Variants in EMID1 observed in about 807,000 individuals in gnomAD.
EMID1 encodes the protein EMI domain containing 1.
EMID1 carries 40 observed loss-of-function variants against 60.6 expected under a neutral mutation model. The observed-to-expected ratio is 0.66, with a 90% CI of 0.51 to 0.86. The LOEUF is 0.86. Ranked by LOEUF, EMID1 falls within the 40% of genes least tolerant of loss-of-function variation. EMID1 has a pLI of 0.00. For missense variants in EMID1, 585 were observed against 597.1 expected (o/e 0.98, Z 0.21); for synonymous variants, 242 against 231.0 (o/e 1.05, Z -0.43).
chr22:29,225,673 CA>C (rs1229138852), intron 4 of EMID1, among the ~76,000 whole-genome samples: 3 of 151,934 alleles, frequency 2.0e-5, no homozygotes, highest in Non-Finnish European at 4.4e-5. Flanking sequence ...GCCCCACAGC[CA>C]GGAGTGGGGG....
Position 29,239,485 on chromosome 22 carries a change from C to T in EMID1, c.1075-3960C>T, listed in dbSNP as rs559275835. Among the ~76,000 whole-genome samples the T allele has an allele frequency of 6.9e-4, 105 of 152,234 alleles. 1 individual carries two copies. In the South Asian group the frequency reaches 0.014, roughly 20 times the overall value. ...TAATCCATCTCTTCTTGCATGTTGT[C>T]TACTTTTTCCATTAATTCCCTTAGC... On this transcript the variant is annotated intron_variant, in intron 12 of 14. Transcript: ENST00000334018.
chr22:29,234,128 G>C lies in EMID1; in HGVS notation c.967-9G>C. The C allele has an allele frequency of 3.2e-6, 5 of 1,578,942 alleles. No individual in the cohort carries two copies. The highest frequency in any genetic ancestry group is 4.3e-6 in the Non-Finnish European group (5 of 1,161,582). ...CAACACAAGGCTGAGGCCCTGTCTT[G>C]TTGCTCAGGGACCCCCAGGCCCCAC... On this transcript the variant is annotated splice_polypyrimidine_tract_variant and intron_variant, in intron 10 of 14. Coordinates refer to ENST00000334018, the MANE Select transcript of EMID1 (RefSeq NM_133455.4).
At chr22:29,241,017 A>G (rs1313739272) in intron 12 of EMID1, among the ~76,000 whole-genome samples, 1 of 152,134 alleles carries the variant, frequency 6.6e-6, no homozygotes, top group African/African-American at 2.4e-5. Context: ...TCCTTGCTGG[A>G]AGGACAAGGG....
At chr22:29,206,976 C>T (rs1170483565) in intron 1 of EMID1, among the ~76,000 whole-genome samples, 2 of 152,212 alleles carry the variant, frequency 1.3e-5, no homozygotes, top group Admixed American at 6.5e-5. Flanking sequence ...TGGCTGCAGC[C>T]CCAGCGAGGG....
intron 14 of EMID1, chr22:29,255,335 C>A (rs1481500197): frequency 1.3e-6 from 2 of 1,521,788 alleles, no homozygotes; most frequent in Admixed American, 2.0e-5. Context: ...AGACGGGTCA[C>A]CCTCCTGGAA....
intron 13 of EMID1, among the ~76,000 whole-genome samples, chr22:29,244,524 A>C (rs6519780): frequency 0.39 from 59,745 of 151,886 alleles, 13,127 homozygotes; most frequent in Middle Eastern, 0.53. Context: ...CTGTAGTCCT[A>C]GCTATTCAGG....
rs373800871 is a variant in EMID1 at position 29,215,294 on chromosome 22, C to T, written c.216-233C>T. On this transcript the variant is annotated intron_variant, in intron 2 of 14. Coordinates refer to ENST00000334018, the MANE Select transcript of EMID1 (RefSeq NM_133455.4). ...GTGAGTATTCACGCTGGGCTCAGGCCAGCCCAGCCTGCAGGGTCTTCTTGT... is the reference window on the plus strand; with the variant it reads ...GTGAGTATTCACGCTGGGCTCAGGCTAGCCCAGCCTGCAGGGTCTTCTTGT... 1.0e-5 allele frequency: 10 copies of T among 981,198 alleles called. No individual in the cohort carries two copies. The African/African-American group carries it at 1.7e-4, about 17-fold the overall frequency. 60.8% of individuals were successfully genotyped at this position (981,198 alleles called of 1,614,324 possible).
Position 29,231,643 on chromosome 22 carries a change from G to A in EMID1, c.637G>A (p.Ala213Thr), listed in dbSNP as rs1162232560. The change falls in exon 7 of 15, where the codon GCC becomes ACC. Residue 213 changes from alanine to threonine, a missense_variant. Coordinates refer to ENST00000334018, the MANE Select transcript of EMID1 (RefSeq NM_133455.4). ...LPGPTGPKGD[A>T]GSRGPMGMRG... ...CGGGCCCACCGGCCCCAAGGGAGAT[G>A]CCGGCAGTCGGGGCCCAATGGGGAT... The A allele has an allele frequency of 6.7e-7, 1 of 1,489,466 alleles. No individual in the cohort carries two copies. Among genetic ancestry groups the A allele is most frequent in the East Asian group, 2.5e-5 (1 of 39,952 alleles). The allele number at this position is 1,489,466 out of a possible 1,614,324, so 92.3% of individuals were successfully genotyped here.
At chr22:29,233,256 G>A (rs961122457) in intron 8 of EMID1, 123 bp from the exon 9 acceptor site, 20 of 968,788 alleles carry the variant, frequency 2.1e-5, no homozygotes, top group Non-Finnish European at 2.9e-5. Context: ...GTGCCCAGGT[G>A]GTACCAGCCA....
chr22:29,224,425 C>T (rs1309562786), intron 3 of EMID1, among the ~76,000 whole-genome samples: 1 of 152,108 alleles, frequency 6.6e-6, no homozygotes, highest in Admixed American at 6.5e-5. Flanking sequence ...GAAAACCAGT[C>T]CCCCAAAACC....
At chr22:29,227,704 C>CAAAAAAA (rs560219761) in intron 5 of EMID1, among the ~76,000 whole-genome samples, 1 of 88,954 alleles carries the variant, frequency 1.1e-5, no homozygotes, top group Non-Finnish European at 2.1e-5. Flanking sequence ...GACTCTGTCT[C>CAAAAAAA]AAAAAAAAAA....
At chr22:29,215,254 G>T in intron 2 of EMID1, 1 of 985,438 alleles carries the variant, frequency 1.0e-6, no homozygotes, top group Non-Finnish European at 1.2e-6. Flanking sequence ...CCATTTGCCT[G>T]CATTCCTTTA....
chr22:29,259,393 G>A lies in EMID1; in HGVS notation c.*449G>A, dbSNP rs962392497. 6.8e-5 allele frequency: 12 copies of A among 176,266 alleles called. No individual in the cohort carries two copies. The highest frequency in any genetic ancestry group is 1.3e-4 in the Non-Finnish European group (11 of 84,272). 10.9% of individuals were successfully genotyped at this position (176,266 alleles called of 1,614,324 possible). Reference sequence around the variant, plus strand: ...TGTCCAGTGCTGGGCTCCCCACCCCGAGGTCAGGCTGCCCAATCCTCTGAC... The same window carrying A: ...TGTCCAGTGCTGGGCTCCCCACCCCAAGGTCAGGCTGCCCAATCCTCTGAC... On this transcript the variant is annotated 3_prime_UTR_variant, in exon 15 of 15. Transcript: ENST00000334018.
intron 5 of EMID1, among the ~76,000 whole-genome samples, chr22:29,227,114 A>C (rs766677379): frequency 1.4e-4 from 22 of 152,200 alleles, no homozygotes; most frequent in Admixed American, 5.9e-4. Flanking sequence ...TGTTTGAAAC[A>C]GGGTCTTCCT....
At chr22:29,240,404 G>A (rs990524681) in intron 12 of EMID1, among the ~76,000 whole-genome samples, 60 of 152,050 alleles carry the variant, frequency 3.9e-4, no homozygotes, top group Non-Finnish European at 7.9e-4. Context: ...AAGAGTCTTG[G>A]AACATGTCTG....
chr22:29,208,607 C>G (rs1424845953), intron 1 of EMID1, among the ~76,000 whole-genome samples: 1 of 152,202 alleles, frequency 6.6e-6, no homozygotes, highest in African/African-American at 2.4e-5. Context: ...GGGATCTGCC[C>G]CAGCCTCTGT....
At chr22:29,224,520 C>T (rs932689044) in intron 3 of EMID1, among the ~76,000 whole-genome samples, 1 of 152,222 alleles carries the variant, frequency 6.6e-6, no homozygotes, top group African/African-American at 2.4e-5. Context: ...AACTGGCTCC[C>T]CTTGCCCTCC....
chr22:29,207,394 A>G (rs1191438633), intron 1 of EMID1, among the ~76,000 whole-genome samples: 2 of 152,144 alleles, frequency 1.3e-5, no homozygotes, highest in South Asian at 2.1e-4. Flanking sequence ...ATTCTGTTTC[A>G]TAGAGGAGGA....
intron 4 of EMID1, among the ~76,000 whole-genome samples, chr22:29,225,848 T>A (rs1173277481): frequency 6.6e-6 from 1 of 152,214 alleles, no homozygotes; most frequent in African/African-American, 2.4e-5. Context: ...TCTGTAAATG[T>A]CCACAGCTGC....
Sources: allele counts gnomAD v4.1 joint callset (sites outside exome capture counted in the v4.1 genomes callset), GRCh38; gene constraint gnomAD v4.1.1; transcripts MANE v1.5; gene names NCBI Gene and HGNC (gene_info 2026-07-23, HGNC 2026-07-21).